DNAH17: variants seen among roughly 807,000 people sequenced by gnomAD.
The protein encoded by DNAH17 is axonemal beta dynein heavy chain 17.
DNAH17 carries 376 observed loss-of-function variants against 485.6 expected under a neutral mutation model. That is an observed-to-expected ratio of 0.77 (90% confidence interval 0.71 to 0.84). The LOEUF (loss-of-function observed/expected upper bound fraction) is 0.84, where lower values mean the gene tolerates loss of function less well. Ranked by LOEUF, DNAH17 falls within the 40% of genes least tolerant of loss-of-function variation. The probability of loss-of-function intolerance (pLI) is 0.00; values close to 1 mark genes in which losing one functional copy is unlikely to be tolerated. For synonymous variants in DNAH17, 3,031 were observed against 2,405.9 expected (o/e 1.26, Z -7.60); for missense variants, 6,370 against 5,839.3 (o/e 1.09, Z -2.96).
chr17:78,470,497 T>C (rs1219726777), intron 54 of DNAH17, among the ~76,000 whole-genome samples: 1 of 151,852 alleles, frequency 6.6e-6, no homozygotes, highest in Non-Finnish European at 1.5e-5. Context: ...GGAGACCACC[T>C]GGCCAACATG....
At position 78,537,484 on chromosome 17, in the gene DNAH17, G is replaced by A; in HGVS notation, c.2677-3C>T. 1 of 1,612,886 alleles carries A rather than the reference G, an allele frequency of 6.2e-7. No homozygotes were observed. Among genetic ancestry groups the A allele is most frequent in the Non-Finnish European group, 8.5e-7 (1 of 1,179,678 alleles). The stretch of plus-strand genomic sequence containing the variant: ...TCAAACAGGGGAGCGATACTCTCCT[G>A]AAAGAGGGGTGGGGTTGGCAGTGGT... On this transcript the variant is annotated splice_polypyrimidine_tract_variant and splice_region_variant and intron_variant, in intron 18 of 80. Coordinates refer to ENST00000389840, the MANE Select transcript of DNAH17 (RefSeq NM_173628.4).
chr17:78,494,301 C>A, intron 40 of DNAH17, 128 bp from the exon 41 acceptor site: 1 of 1,351,754 alleles, frequency 7.4e-7, no homozygotes, highest in Non-Finnish European at 9.9e-7. Context: ...GATGCACGTG[C>A]GTCTGCAAGT....
rs151028920 is a variant in DNAH17 at position 78,562,645 on chromosome 17, C to T, written c.1570-665G>A. The stretch of plus-strand genomic sequence containing the variant: ...TCCAGAAAAAACAAACCCAAAACAA[C>T]TCCAAGTAAACAATTTTAAAATAGC... On this transcript the variant is annotated intron_variant, in intron 11 of 80. Coordinates refer to ENST00000389840, the MANE Select transcript of DNAH17 (RefSeq NM_173628.4). Among the ~76,000 whole-genome samples the T allele has an allele frequency of 1.2e-4, 18 of 152,264 alleles. No homozygotes were observed. In the East Asian group the frequency reaches 3.5e-3, roughly 29 times the overall value.
chr17:78,497,946 C>T (rs1053992015), intron 37 of DNAH17, among the ~76,000 whole-genome samples: 2 of 152,058 alleles, frequency 1.3e-5, no homozygotes, highest in African/African-American at 4.8e-5. Flanking sequence ...AGTTCAAGAC[C>T]AACCTGACCA....
chr17:78,521,077 G>A (rs538370968), intron 25 of DNAH17, among the ~76,000 whole-genome samples: 1 of 152,316 alleles, frequency 6.6e-6, no homozygotes, highest in South Asian at 2.1e-4. Flanking sequence ...AGTCTAAGGT[G>A]CCCAACTGAC....
intron 18 of DNAH17, among the ~76,000 whole-genome samples, chr17:78,539,105 C>T (rs368096965): frequency 2.5e-4 from 38 of 152,138 alleles, no homozygotes; most frequent in African/African-American, 8.9e-4. Flanking sequence ...GTGGCGGGCA[C>T]CTATAATCCC....
intron 25 of DNAH17, among the ~76,000 whole-genome samples, chr17:78,515,938 T>C (rs1598625094): frequency 1.3e-5 from 2 of 152,144 alleles, no homozygotes; most frequent in African/African-American, 4.8e-5. Flanking sequence ...AAACAAAATA[T>C]ACAAACTACC....
intron 44 of DNAH17, chr17:78,489,338 C>G (rs1024482364): frequency 6.6e-6 from 1 of 152,324 alleles, no homozygotes; most frequent in African/African-American, 2.4e-5. Flanking sequence ...ATTCTTGTCT[C>G]GACAAATACT....
rs1044546738 is a variant in DNAH17 at position 78,552,265 on chromosome 17, G to A, written c.2287+432C>T. ...CAGGGGGTCGGGGGCCTTCTGCCTC[G>A]TCCAGTGGTGGAATGAAGGGAAGAC... On this transcript the variant is annotated intron_variant, in intron 15 of 80. Transcript: ENST00000389840. 1.1e-4 allele frequency among the ~76,000 whole-genome samples: 17 copies of A among 152,284 alleles called. No individual in the cohort carries two copies. The East Asian group carries it at 1.5e-3, about 14-fold the overall frequency.
chr17:78,571,714 T>C lies in DNAH17; in HGVS notation c.608A>G (p.Gln203Arg). 2.5e-6 allele frequency: 4 copies of C among 1,613,698 alleles called. No homozygotes were observed. Among genetic ancestry groups the C allele is most frequent in the Non-Finnish European group, 3.4e-6 (4 of 1,179,676 alleles). Residue 203 changes from glutamine to arginine, a missense_variant, in exon 4 of 81, where the codon CAG becomes CGG. By Grantham distance (43) the Gln-to-Arg change is conservative. Transcript: ENST00000389840. Reference protein sequence around the residue: ...IETTIIDWSHQIRDVLSKDSA... With the variant: ...IETTIIDWSHRIRDVLSKDSA... ...GTCTTTGCTCAGCACATCCCGGATC[T>C]GGTGGGACCAGTCGATGATGGTGGT... is the stretch of plus-strand genomic sequence containing the variant.
In DNAH17 at chr17:78,507,381, A is replaced by G. The variant is rs1412683071; in HGVS notation, c.4585-12T>C. ...TCTTCCATCAAGGCCTGGGAAGAGA[A>G]GGGGATCGCCAAGGCATTAGGGATC... On this transcript the variant is annotated splice_polypyrimidine_tract_variant and intron_variant, in intron 28 of 80. Transcript: ENST00000389840. The G allele has an allele frequency of 6.2e-7, 1 of 1,613,876 alleles. No homozygotes were observed. The highest frequency in any genetic ancestry group is 1.3e-5 in the African/African-American group (1 of 74,928).
chr17:78,480,800 C>T lies in DNAH17; in HGVS notation c.7650-14G>A, dbSNP rs376451143. Reference sequence around the variant, plus strand: ...TGTCTGTCATACCTGAGGGGGGAAACCAGCATTCATGTTGTGCCCCTGGCC... The same window carrying T: ...TGTCTGTCATACCTGAGGGGGGAAATCAGCATTCATGTTGTGCCCCTGGCC... On this transcript the variant is annotated splice_polypyrimidine_tract_variant and intron_variant, in intron 48 of 80. Transcript: ENST00000389840. 4.0e-4 allele frequency: 632 copies of T among 1,598,742 alleles called. 3 individuals are homozygous for T. In the African/African-American group the frequency reaches 7.5e-3, roughly 19 times the overall value.
chr17:78,478,749 CCACCATCACTATCATCATCACAT>C (rs1490582971), intron 51 of DNAH17: 42 of 411,078 alleles, frequency 1.0e-4, no homozygotes, highest in East Asian at 9.0e-4. Flanking sequence ...ATCACCATCA[CCACCATCACTATCATCATCACAT>C]CACCATCACT....
Position 78,425,520 on chromosome 17 carries a change from C to T in DNAH17, c.12967G>A (p.Ala4323Thr), listed in dbSNP as rs148940479. Residue 4323 changes from alanine to threonine, a missense_variant, in exon 80 of 81, where the codon GCC becomes ACC. Coordinates refer to ENST00000389840, the MANE Select transcript of DNAH17 (RefSeq NM_173628.4). Reference sequence around the variant, plus strand: ...AACGACTGGGGGTTGAAGAAGCCGGCCAGCCACACGGTGGTGGGCAGGGCA... The same window carrying T: ...AACGACTGGGGGTTGAAGAAGCCGGTCAGCCACACGGTGGTGGGCAGGGCA... Reference protein sequence around the residue: ...DFALPTTVWLAGFFNPQSFLT... With the variant: ...DFALPTTVWLTGFFNPQSFLT... 398 of 1,613,828 alleles carry T rather than the reference C, an allele frequency of 2.5e-4. No individual in the cohort carries two copies. Among genetic ancestry groups the T allele is most frequent in the Non-Finnish European group, 3.1e-4 (364 of 1,179,898 alleles).
intron 25 of DNAH17, among the ~76,000 whole-genome samples, chr17:78,524,328 G>C (rs4969216): frequency 0.13 from 19,954 of 152,146 alleles, 1,713 homozygotes; most frequent in Middle Eastern, 0.22. Context: ...CGTAGAGACG[G>C]GGTTTCATCA....
chr17:78,442,814 C>A (rs2087125932), intron 71 of DNAH17, among the ~76,000 whole-genome samples: 1 of 152,200 alleles, frequency 6.6e-6, no homozygotes, highest in Non-Finnish European at 1.5e-5. Flanking sequence ...GTGGGGGTGG[C>A]CTGGCCTGCC....
intron 27 of DNAH17, among the ~76,000 whole-genome samples, chr17:78,508,921 C>T (rs2090560925): frequency 6.6e-6 from 1 of 151,820 alleles, no homozygotes; most frequent in South Asian, 2.1e-4. Context: ...CCCACTTCAG[C>T]CTCCCAAGTA....
intron 75 of DNAH17, among the ~76,000 whole-genome samples, chr17:78,433,350 G>A (rs987032431): frequency 4.6e-5 from 7 of 152,312 alleles, no homozygotes; most frequent in African/African-American, 1.2e-4. Flanking sequence ...CCCCTCCAGC[G>A]AATAGCAGGT....
Position 78,479,785 on chromosome 17 carries a change from T to C in DNAH17, c.7753-153A>G, listed in dbSNP as rs59129493. On this transcript the variant is annotated intron_variant, in intron 49 of 80. Coordinates refer to ENST00000389840, the MANE Select transcript of DNAH17 (RefSeq NM_173628.4). ...GCAGTTACCCTCCTTGTGCCTTGCA[T>C]GTGGTAAAACTGCATTAAGTATCAT... Among the ~76,000 whole-genome samples, 5,720 of 152,256 alleles carry C rather than the reference T, an allele frequency of 0.038. 348 individuals carry two copies. Among genetic ancestry groups the C allele is most frequent in the African/African-American group, 0.13 (5,375 of 41,516 alleles).
Sources: gnomAD v4.1 joint callset for allele counts (sites outside exome capture counted in the v4.1 genomes callset) on GRCh38, gnomAD v4.1.1 for gene constraint, MANE v1.5 for transcripts, NCBI Gene and HGNC (gene_info 2026-07-23, HGNC 2026-07-21) for gene names.